EHMT1: variants seen among roughly 807,000 people sequenced by gnomAD.
EHMT1 encodes the protein euchromatic histone lysine methyltransferase 1, also known as histone-lysine N-methyltransferase EHMT1.
EHMT1 carries 15 observed loss-of-function variants against 147.2 expected under a neutral mutation model. That is an observed-to-expected ratio of 0.10 (90% CI 0.07 to 0.16). The LOEUF is 0.16. Among genes scored for constraint, EHMT1 ranks in the 10% least tolerant of loss-of-function variants. EHMT1 has a pLI of 1.00. For missense variants in EHMT1, 1,587 were observed against 1,772.4 expected (o/e 0.90, Z 1.88); for synonymous variants, 795 against 709.6 (o/e 1.12, Z -1.91).
chr9:137,711,599 G>A (rs1334501981), intron 2 of EHMT1, among the ~76,000 whole-genome samples: 1 of 152,194 alleles, frequency 6.6e-6, no homozygotes, highest in African/African-American at 2.4e-5. Flanking sequence ...GGAGTGGTGT[G>A]GAAGCAAGTG....
At chr9:137,624,505 A>G (rs1258378953) in intron 1 of EHMT1, among the ~76,000 whole-genome samples, 1 of 151,790 alleles carries the variant, frequency 6.6e-6, no homozygotes, top group Admixed American at 6.6e-5. Context: ...TAGTAGAGAC[A>G]GGGTTTCGCC....
chr9:137,775,265 T>G lies in EHMT1; in HGVS notation c.1791+13T>G, dbSNP rs777831668. The G allele has an allele frequency of 1.2e-6, 2 of 1,607,026 alleles. No individual in the cohort carries two copies. Among genetic ancestry groups the G allele is most frequent in the Non-Finnish European group, 1.7e-6 (2 of 1,179,622 alleles). ...CTTCTGCACAGCGGTAAGAGCCCAG[T>G]CCGGCAGCCTCTGAGTCCTCCGCAG... On this transcript the variant is annotated intron_variant, in intron 11 of 26. Transcript: ENST00000460843. The surrounding 1 kb of genome is among the most constrained non-coding windows in gnomAD (Gnocchi z 6.1).
chr9:137,669,291 A>C (rs1940127099), intron 1 of EHMT1, among the ~76,000 whole-genome samples: 1 of 149,090 alleles, frequency 6.7e-6, no homozygotes, highest in Admixed American at 6.8e-5. Flanking sequence ...TCTCCTGCTT[A>C]AAGAGCAGAC....
At chr9:137,641,374 A>G (rs1357195073) in intron 1 of EHMT1, 2 of 516,078 alleles carry the variant, frequency 3.9e-6, no homozygotes, top group East Asian at 5.1e-5. Context: ...TCGTCAAAAT[A>G]AAAACCTATT....
chr9:137,644,157 G>A (rs1844714675), intron 1 of EHMT1, among the ~76,000 whole-genome samples: 1 of 152,142 alleles, frequency 6.6e-6, no homozygotes, highest in South Asian at 2.1e-4. Context: ...GCAGCACTAT[G>A]GCCCACCAAG....
rs2136685770 is a variant in EHMT1, at chr9:137,776,783, C to G, written c.1957C>G (p.Pro653Ala). Residue 653 changes from proline (P) to alanine (A), a missense_variant, in exon 12 of 27, where the codon CCA becomes GCA. By Grantham distance (27) the Pro-to-Ala change is conservative (BLOSUM62 -1). Transcript: ENST00000460843. The surrounding 1 kb of genome is among the most constrained non-coding windows in gnomAD (Gnocchi z 4.4). Reference protein sequence around the residue: ...AKADTTSTVTPVPGQEKGSAL... With the variant: ...AKADTTSTVTAVPGQEKGSAL... ...AGCAGACACCACCTCGACCGTGACA[C>G]CAGTCCCCGGGCAGGAGAAGGGCTC... 1 of 1,614,080 alleles carries G rather than the reference C, an allele frequency of 6.2e-7. No individual in the cohort carries two copies. Among genetic ancestry groups the G allele is most frequent in the Admixed American group, 1.7e-5 (1 of 60,028 alleles).
intron 1 of EHMT1, among the ~76,000 whole-genome samples, chr9:137,642,143 A>C (rs1011870828): frequency 5.9e-5 from 9 of 151,982 alleles, no homozygotes; most frequent in Admixed American, 2.0e-4. Context: ...CCCGGCCCCA[A>C]ATTTTTTAAT....
chr9:137,682,037 G>T (rs962968147), intron 1 of EHMT1, among the ~76,000 whole-genome samples: 2 of 151,920 alleles, frequency 1.3e-5, no homozygotes, highest in African/African-American at 4.8e-5. Context: ...TGCAAGCTCT[G>T]CCTCCCGGAT....
At chr9:137,823,760 G>A (rs1353413049) in intron 25 of EHMT1, among the ~76,000 whole-genome samples, 3 of 152,126 alleles carry the variant, frequency 2.0e-5, no homozygotes, top group African/African-American at 7.2e-5. Context: ...GTTTCGCCAT[G>A]TTGGCCAGGC....
chr9:137,716,073 T>TGTG (rs1250714444), intron 2 of EHMT1, among the ~76,000 whole-genome samples: 2 of 63,286 alleles, frequency 3.2e-5, no homozygotes, highest in Non-Finnish European at 6.3e-5. Context: ...GGGAGGAAAT[T>TGTG]GTGGTGTCGT....
At chr9:137,705,209 T>C (rs373843119) in intron 1 of EHMT1, among the ~76,000 whole-genome samples, 34 of 152,250 alleles carry the variant, frequency 2.2e-4, no homozygotes, top group African/African-American at 7.9e-4. Flanking sequence ...TCTAGGCTGG[T>C]CTTGAACTCC....
intron 15 of EHMT1, among the ~76,000 whole-genome samples, chr9:137,790,164 C>T (rs773346522): frequency 2.6e-5 from 4 of 152,132 alleles, no homozygotes; most frequent in African/African-American, 9.7e-5. Flanking sequence ...CTATTTTCAA[C>T]GTTTTTTCAT....
At chr9:137,781,661 C>G (rs1951567054) in intron 14 of EHMT1, among the ~76,000 whole-genome samples, 2 of 152,194 alleles carry the variant, frequency 1.3e-5, no homozygotes, top group Non-Finnish European at 2.9e-5. Flanking sequence ...GGTCTCTGAG[C>G]TCATAGCTTT....
At chr9:137,627,313 A>G (rs1469978558) in intron 1 of EHMT1, among the ~76,000 whole-genome samples, 2 of 134,190 alleles carry the variant, frequency 1.5e-5, no homozygotes, top group Non-Finnish European at 3.0e-5. Flanking sequence ...CCCACGCTGG[A>G]GTGCAATGGC....
chr9:137,784,808 C>A lies in EHMT1; in HGVS notation c.2382+2411C>A, dbSNP rs1208579549. 5.2e-5 allele frequency: 8 copies of A among 152,856 alleles called. No individual in the cohort carries two copies. The East Asian group carries it at 1.2e-3, about 22-fold the overall frequency. 9.5% of individuals were successfully genotyped at this position (152,856 alleles called of 1,614,324 possible). A position where few individuals can be genotyped will look rare whatever the true frequency, so the allele number is the denominator to read the frequency against. ...GCTGAGCCGAGGTAGGCACTGGGGG[C>A]ACTGGGGGCCAGCTCCATGCAGGAG... On this transcript the variant is annotated intron_variant, in intron 15 of 26. Transcript: ENST00000460843.
At chr9:137,706,224 G>A (rs957391374) in intron 1 of EHMT1, among the ~76,000 whole-genome samples, 2 of 152,230 alleles carry the variant, frequency 1.3e-5, no homozygotes, top group African/African-American at 2.4e-5. Context: ...GGGAAATGCA[G>A]ATGATTTTTT....
intron 1 of EHMT1, among the ~76,000 whole-genome samples, chr9:137,672,857 T>TA (rs1940840038): frequency 6.6e-6 from 1 of 152,222 alleles, no homozygotes; most frequent in African/African-American, 2.4e-5. Context: ...TGGAAACATT[T>TA]AAAAAACAAT....
At chr9:137,643,530 A>G (rs1352132142) in intron 1 of EHMT1, among the ~76,000 whole-genome samples, 1 of 151,668 alleles carries the variant, frequency 6.6e-6, no homozygotes, top group Non-Finnish European at 1.5e-5. Flanking sequence ...TTGTATTTTT[A>G]GTAGAGACGG....
At chr9:137,774,919 C>A (rs865957581) in intron 10 of EHMT1, among the ~76,000 whole-genome samples, 190 bp from the exon 11 acceptor site, 3 of 152,166 alleles carry the variant, frequency 2.0e-5, no homozygotes, top group African/African-American at 4.8e-5. Flanking sequence ...CCCTGTTTGT[C>A]CCCCGTGCTG....
Sources: gnomAD v4.1 joint callset for allele counts (sites outside exome capture counted in the v4.1 genomes callset) on GRCh38, gnomAD v4.1.1 for gene constraint, Gnocchi (gnomAD v3.1) non-coding constraint, MANE v1.5 for transcripts, NCBI Gene and HGNC (gene_info 2026-07-23, HGNC 2026-07-21) for gene names.